SPTA1: variants seen among roughly 807,000 people sequenced by gnomAD.
The protein encoded by SPTA1 is spectrin alpha, erythrocytic 1.
A neutral mutation model predicts 324.7 loss-of-function variants in SPTA1; 177 were observed. The observed-to-expected ratio is 0.55, with a 90% confidence interval of 0.48 to 0.62. SPTA1 has a LOEUF of 0.62. Ranked by LOEUF, SPTA1 falls within the 20% of genes least tolerant of loss-of-function variation. The pLI is 0.00. For missense variants in SPTA1, 3,162 were observed against 2,883.6 expected (o/e 1.10, Z -2.21); for synonymous variants, 1,195 against 1,041.3 (o/e 1.15, Z -2.84).
chr1:158,612,791 A>T (rs753380175), intron 51 of SPTA1, 26 bp downstream of exon 51: 2 of 1,613,114 alleles, frequency 1.2e-6, no homozygotes, highest in South Asian at 2.2e-5. Flanking sequence ...ATGACAGTGT[A>T]GTAGGGGAAG....
chr1:158,626,246 A>C, intron 41 of SPTA1, 24 bp from the exon 42 acceptor site: 1 of 1,610,320 alleles, frequency 6.2e-7, no homozygotes, highest in Non-Finnish European at 8.5e-7. Flanking sequence ...ACAATTAAGA[A>C]GAGAAAGACA....
intron 39 of SPTA1, among the ~76,000 whole-genome samples, chr1:158,631,305 C>T (rs1399477790): frequency 6.6e-6 from 1 of 152,154 alleles, no homozygotes; most frequent in Non-Finnish European, 1.5e-5. Context: ...ATGGCGTTTG[C>T]AGCGACCTGG....
intron 39 of SPTA1, among the ~76,000 whole-genome samples, chr1:158,633,744 C>T (rs1384455635): frequency 2.0e-5 from 3 of 151,606 alleles, no homozygotes; most frequent in Admixed American, 6.6e-5. Flanking sequence ...TGATAGGAAG[C>T]CTTAAAATGC....
In SPTA1 at chr1:158,639,960, T is replaced by C. The variant is rs1353573573; in HGVS notation, c.4785A>G (p.Arg1595=). 2 of 1,613,886 alleles carry C rather than the reference T, an allele frequency of 1.2e-6. No individual in the cohort carries two copies. The highest frequency in any genetic ancestry group is 2.2e-5 in the East Asian group (1 of 44,846). The change falls in exon 34 of 52, where the codon AGA becomes AGG. Residue 1595 remains arginine (R), a synonymous_variant. Transcript: ENST00000643759. ...TGAGCTTCTTCCCTTTGTCATTTGT[T>C]CTCTCAAGCAGATGATCCCAATGTT... The part of the protein sequence containing the change: ...LKEHWDHLLE[R]TNDKGKKLNE...
chr1:158,683,372 T>C lies in SPTA1; in HGVS notation c.389A>G (p.Lys130Arg). Residue 130 changes from lysine (K) to arginine (R), a missense_variant and splice_region_variant, in exon 3 of 52, where the codon AAG becomes AGG. Lys to Arg is a conservative substitution (Grantham distance 26, BLOSUM62 2). Coordinates refer to ENST00000643759, the MANE Select transcript of SPTA1 (RefSeq NM_003126.4). The stretch of plus-strand genomic sequence containing the variant: ...TTCTTCAAGGGCCCATACATATACC[T>C]TCGTTTCTTCGTGGGCAGAATGACC... ...TMGHSAHEET[K>R]AHIEELRHLW... 1 of 1,613,220 alleles carries C rather than the reference T, an allele frequency of 6.2e-7. No homozygotes were observed. The highest frequency in any genetic ancestry group is 8.5e-7 in the Non-Finnish European group (1 of 1,179,372).
At position 158,638,117 on chromosome 1, in the gene SPTA1, G is replaced by A. The variant is rs1321944334; in HGVS notation, c.5105C>T (p.Ala1702Val). Residue 1702 changes from alanine to valine, a missense_variant, in exon 36 of 52, where the codon GCA (alanine) becomes GTA (valine). By Grantham distance (64) the Ala-to-Val change is moderately conservative. Coordinates refer to ENST00000643759, the MANE Select transcript of SPTA1 (RefSeq NM_003126.4). ...TTTCAATTTTTCGTGGTGTGCAGCT[G>A]CCAATTCTTGGACATTCAGGAAACG... is the stretch of plus-strand genomic sequence containing the variant. ...NKRFLNVQEL[A>V]AAHHEKLKEA... is the part of the protein sequence containing the mutation. The A allele has an allele frequency of 8.7e-6, 14 of 1,614,026 alleles. No homozygotes were observed. The highest frequency in any genetic ancestry group is 1.2e-5 in the Non-Finnish European group (14 of 1,179,966).
chr1:158,684,698 A>G (rs1023852704), intron 2 of SPTA1, among the ~76,000 whole-genome samples: 1 of 152,122 alleles, frequency 6.6e-6, no homozygotes. Context: ...AAAAAAATTG[A>G]TGTAATTTTT....
chr1:158,671,268 G>C, intron 12 of SPTA1, 75 bp downstream of exon 12: 1 of 1,049,162 alleles, frequency 9.5e-7, no homozygotes, highest in Non-Finnish European at 1.5e-6. Context: ...GAGCAATGCT[G>C]TCTGGGGACA....
At chr1:158,619,170 T>C (rs912185849) in intron 45 of SPTA1, 52 bp downstream of exon 45, 13 of 1,529,558 alleles carry the variant, frequency 8.5e-6, no homozygotes, top group Non-Finnish European at 1.2e-5. Context: ...TTCATCCCTA[T>C]GGCAAATGGT....
chr1:158,641,233 C>G (rs1271928214), intron 33 of SPTA1, among the ~76,000 whole-genome samples: 1 of 152,126 alleles, frequency 6.6e-6, no homozygotes, highest in Non-Finnish European at 1.5e-5. Flanking sequence ...CAATACCATT[C>G]AGGACATAGG....
chr1:158,614,132 C>T (rs1649415650), intron 49 of SPTA1, 121 bp downstream of exon 49: 2 of 858,310 alleles, frequency 2.3e-6, no homozygotes, highest in Non-Finnish European at 3.8e-6. Context: ...AGCTAATGAG[C>T]ATATCTAGAT....
At chr1:158,658,681 T>C (rs1275577603) in intron 18 of SPTA1, among the ~76,000 whole-genome samples, 2 of 151,942 alleles carry the variant, frequency 1.3e-5, no homozygotes, top group East Asian at 3.9e-4. Context: ...GAAAACTCCA[T>C]CAAGTTATAG....
chr1:158,643,753 G>A (rs1003817745), intron 30 of SPTA1, among the ~76,000 whole-genome samples: 3 of 152,280 alleles, frequency 2.0e-5, no homozygotes, highest in East Asian at 3.9e-4. Flanking sequence ...TGGATTTAAA[G>A]TAAGAGAGTC....
At chr1:158,651,693 T>G (rs950184496) in intron 23 of SPTA1, among the ~76,000 whole-genome samples, 1 of 152,216 alleles carries the variant, frequency 6.6e-6, no homozygotes, top group African/African-American at 2.4e-5. Context: ...ATCTGTAGTA[T>G]GAAGCACAGC....
chr1:158,624,909 C>A (rs1177985470), intron 42 of SPTA1, among the ~76,000 whole-genome samples: 1 of 152,132 alleles, frequency 6.6e-6, no homozygotes, highest in Non-Finnish European at 1.5e-5. Flanking sequence ...GCCTGAAAGG[C>A]CACAGAGGCA....
Position 158,623,189 on chromosome 1 carries a change from T to A in SPTA1, c.5914A>T (p.Thr1972Ser), listed in dbSNP as rs891833023. The change falls in exon 43 of 52, where the codon ACT (threonine) becomes TCT (serine). Residue 1972 changes from threonine to serine, a missense_variant. Coordinates refer to ENST00000643759, the MANE Select transcript of SPTA1 (RefSeq NM_003126.4). Reference protein sequence around the residue: ...DFLTLLAKQDTLDASLQSFQQ... With the variant: ...DFLTLLAKQDSLDASLQSFQQ... ...AAACTCTGCAGACTGGCATCCAGAGTGTCCTGAGAAAGATCAGGAGAGAGG... is the reference window on the plus strand; with the variant it reads ...AAACTCTGCAGACTGGCATCCAGAGAGTCCTGAGAAAGATCAGGAGAGAGG... 6.2e-7 allele frequency: 1 copy of A among 1,613,904 alleles called. No homozygotes were observed. The highest frequency in any genetic ancestry group is 1.3e-5 in the African/African-American group (1 of 74,894).
chr1:158,655,780 C>T (rs1652785835), intron 20 of SPTA1, among the ~76,000 whole-genome samples: 1 of 152,154 alleles, frequency 6.6e-6, no homozygotes, highest in Non-Finnish European at 1.5e-5. Flanking sequence ...AATTAATCTT[C>T]ATGACACCCA....
intron 10 of SPTA1, among the ~76,000 whole-genome samples, chr1:158,673,551 G>A (rs1030637011): frequency 1.3e-5 from 2 of 152,190 alleles, no homozygotes; most frequent in African/African-American, 2.4e-5. Flanking sequence ...CACAGATGCA[G>A]GAATGTCAGC....
At chr1:158,633,070 C>T (rs1435537346) in intron 39 of SPTA1, among the ~76,000 whole-genome samples, 1 of 152,098 alleles carries the variant, frequency 6.6e-6, no homozygotes, top group East Asian at 1.9e-4. Flanking sequence ...GGTCAATCTT[C>T]AAAAGTTACA....
Sources: allele counts gnomAD v4.1 joint callset (sites outside exome capture counted in the v4.1 genomes callset), GRCh38; gene constraint gnomAD v4.1.1; transcripts MANE v1.5; gene names NCBI Gene and HGNC (gene_info 2026-07-23, HGNC 2026-07-21).